The following METTL15 variants were observed in gnomAD, a reference collection of about 807,000 sequenced individuals.
METTL15 encodes methyltransferase 15, mitochondrial 12S rRNA N4-cytidine.
METTL15 carries 34 observed loss-of-function variants against 38.3 expected under a neutral mutation model. The ratio of observed to expected loss-of-function variants is 0.89; its 90% CI spans 0.68 to 1.18. METTL15 has a LOEUF of 1.18. METTL15 is among the 50% of genes most tolerant of loss of function. The probability of loss-of-function intolerance (pLI) is 0.00; values close to 1 mark genes in which losing one functional copy is unlikely to be tolerated. For missense variants in METTL15, 438 were observed against 498.4 expected (o/e 0.88, Z 1.15); for synonymous variants, 162 against 170.9 (o/e 0.95, Z 0.41).
chr11:28,247,873 G>A (rs1158649096), intron 4 of METTL15, among the ~76,000 whole-genome samples: 3 of 151,958 alleles, frequency 2.0e-5, no homozygotes, highest in Non-Finnish European at 4.4e-5. Context: ...AATAATCAAA[G>A]GAAAGTTGTT....
intron 5 of METTL15, among the ~76,000 whole-genome samples, chr11:28,368,899 A>G (rs1850216182): frequency 6.6e-6 from 1 of 152,112 alleles, no homozygotes; most frequent in South Asian, 2.1e-4. Context: ...AACTATCACA[A>G]GAACAGAAAA....
downstream of METTL15, among the ~76,000 whole-genome samples, chr11:28,338,249 T>G (rs1235441227): frequency 6.6e-6 from 1 of 152,012 alleles, no homozygotes; most frequent in African/African-American, 2.4e-5. Flanking sequence ...TACCACCTAT[T>G]TTCTGTTTTC....
At chr11:28,163,294 G>A in intron 3 of METTL15, 1 of 397,240 alleles carries the variant, frequency 2.5e-6, no homozygotes, top group Non-Finnish European at 4.4e-6. Context: ...AAAAAAGTAT[G>A]GCATAAATTC....
chr11:28,316,204 A>G (rs567454279), intron 6 of METTL15, among the ~76,000 whole-genome samples: 74 of 152,354 alleles, frequency 4.9e-4, no homozygotes, highest in Non-Finnish European at 1.0e-3. Context: ...TATACCCTGC[A>G]AAGCCACAGG....
intron 3 of METTL15, among the ~76,000 whole-genome samples, chr11:28,199,228 A>G (rs577587161): frequency 1.3e-5 from 2 of 152,280 alleles, no homozygotes; most frequent in South Asian, 4.1e-4. Flanking sequence ...ATCTTTTAAA[A>G]GTATACTTAG....
intron 5 of METTL15, among the ~76,000 whole-genome samples, chr11:28,397,120 C>G (rs1486031713): frequency 7.9e-5 from 12 of 151,926 alleles, no homozygotes; most frequent in Non-Finnish European, 1.6e-4. Context: ...AAATGTTAGA[C>G]CTAAAACCAT....
chr11:28,373,603 C>G (rs1850271138), intron 5 of METTL15, among the ~76,000 whole-genome samples: 2 of 152,124 alleles, frequency 1.3e-5, no homozygotes, highest in Admixed American at 6.5e-5. Context: ...TTTTGCTGTG[C>G]AGAAGCTCTT....
chr11:28,147,295 C>T (rs186210349), intron 3 of METTL15, among the ~76,000 whole-genome samples: 177 of 151,860 alleles, frequency 1.2e-3, no homozygotes, highest in Non-Finnish European at 2.0e-3. Flanking sequence ...CTGTCTAGTG[C>T]CAGATTCAGG....
chr11:28,311,238 A>T (rs12794100), intron 6 of METTL15, among the ~76,000 whole-genome samples: 35,320 of 151,982 alleles, frequency 0.23, 4,276 homozygotes, highest in Non-Finnish European at 0.25. Context: ...AGTGAGAGAA[A>T]CAGGCAATAA....
intron 3 of METTL15, among the ~76,000 whole-genome samples, chr11:28,206,527 G>A (rs547825365): frequency 7.3e-4 from 111 of 151,862 alleles, no homozygotes; most frequent in Non-Finnish European, 1.3e-3. Context: ...AGTATAGTTT[G>A]AAGTCAGGTA....
intron 6 of METTL15, among the ~76,000 whole-genome samples, chr11:28,499,436 AT>A (rs1249586322): frequency 6.6e-6 from 1 of 152,230 alleles, no homozygotes; most frequent in African/African-American, 2.4e-5. Context: ...TATATTAGAT[AT>A]GCTTAAGAAA....
intron 6 of METTL15, among the ~76,000 whole-genome samples, chr11:28,443,744 T>A (rs1851054008): frequency 6.6e-6 from 1 of 152,194 alleles, no homozygotes; most frequent in South Asian, 2.1e-4. Context: ...TAGGGAATCC[T>A]GTCCGCTCCA....
In METTL15 at chr11:28,211,104, G is replaced by T. The variant is rs779977632; in HGVS notation, c.313G>T (p.Ala105Ser). Residue 105 changes from alanine (A) to serine (S), a missense_variant, in exon 4 of 7, where the codon GCC becomes TCC. By Grantham distance (99) the Ala-to-Ser change is moderately conservative (BLOSUM62 1). Coordinates refer to ENST00000407364, the MANE Select transcript of METTL15 (RefSeq NM_001113528.2). ...ATTTGGTTCGGGAGGGCACACAAAAGCCATTCTGCAGAAGGAGTCAGATAT... is the reference window on the plus strand; with the variant it reads ...ATTTGGTTCGGGAGGGCACACAAAATCCATTCTGCAGAAGGAGTCAGATAT... The part of the protein sequence containing the change: ...MTFGSGGHTK[A>S]ILQKESDIVL... 1.2e-6 allele frequency: 2 copies of T among 1,611,938 alleles called. No individual in the cohort carries two copies. The highest frequency in any genetic ancestry group is 1.3e-5 in the African/African-American group (1 of 74,948).
At chr11:28,391,301 T>C (rs1341486218) in intron 5 of METTL15, among the ~76,000 whole-genome samples, 1 of 152,096 alleles carries the variant, frequency 6.6e-6, no homozygotes, top group Non-Finnish European at 1.5e-5. Flanking sequence ...CATCCGTGTC[T>C]TGTGCCAGTT....
chr11:28,234,008 T>C (rs1382419415), intron 4 of METTL15, among the ~76,000 whole-genome samples: 1 of 140,578 alleles, frequency 7.1e-6, no homozygotes, highest in South Asian at 2.4e-4. Context: ...ACTGTGTCCA[T>C]GTGTTCTCAT....
chr11:28,495,083 G>T (rs1390540052), intron 6 of METTL15, among the ~76,000 whole-genome samples: 1 of 152,150 alleles, frequency 6.6e-6, no homozygotes. Context: ...TATCTATTGT[G>T]CATCTATTAC....
intron 4 of METTL15, among the ~76,000 whole-genome samples, chr11:28,289,937 A>C (rs908513901): frequency 6.6e-6 from 1 of 152,142 alleles, no homozygotes; most frequent in Non-Finnish European, 1.5e-5. Context: ...GAATTTTTCT[A>C]ACTTATGAAT....
At chr11:28,227,302 A>T (rs1027788837) in intron 4 of METTL15, among the ~76,000 whole-genome samples, 3 of 151,930 alleles carry the variant, frequency 2.0e-5, no homozygotes, top group African/African-American at 7.2e-5. Context: ...CAGAAAACAG[A>T]TAATTTTACA....
intron 3 of METTL15, among the ~76,000 whole-genome samples, chr11:28,117,700 C>T (rs1590746042): frequency 6.6e-6 from 1 of 152,198 alleles, no homozygotes; most frequent in Non-Finnish European, 1.5e-5. Flanking sequence ...TAAAAACTTT[C>T]TTGTGAGGTA....
Sources: gnomAD v4.1 joint callset for allele counts (sites outside exome capture counted in the v4.1 genomes callset) on GRCh38, gnomAD v4.1.1 for gene constraint, MANE v1.5 for transcripts, NCBI Gene and HGNC (gene_info 2026-07-23, HGNC 2026-07-21) for gene names.